NEGR1: variants seen among roughly 807,000 people sequenced by gnomAD.
NEGR1 encodes the protein IgLON family member 4.
Under a neutral mutation model 40.9 loss-of-function variants are expected in NEGR1, and 10 were observed. The observed-to-expected ratio is 0.24, with a 90% CI of 0.15 to 0.42. The LOEUF is 0.42. NEGR1 is among the 10% of genes least tolerant of loss of function. The probability of loss-of-function intolerance (pLI) is 1.00; values close to 1 mark genes in which losing one functional copy is unlikely to be tolerated. For missense variants in NEGR1, 352 were observed against 438.9 expected (o/e 0.80, Z 1.77); for synonymous variants, 185 against 166.8 (o/e 1.11, Z -0.84).
chr1:71,627,025 G>T (rs1352981219), intron 4 of NEGR1, among the ~76,000 whole-genome samples: 3 of 152,116 alleles, frequency 2.0e-5, no homozygotes, highest in Non-Finnish European at 4.4e-5. Flanking sequence ...TGGAGAAATA[G>T]GAACACTTTT....
At chr1:71,789,850 G>A (rs1657046394) in intron 2 of NEGR1, among the ~76,000 whole-genome samples, 1 of 152,028 alleles carries the variant, frequency 6.6e-6, no homozygotes, top group Admixed American at 6.6e-5. Flanking sequence ...TTTCTGAAAG[G>A]TGGAAAATCC....
chr1:72,166,952 T>C (rs139452672), intron 1 of NEGR1, among the ~76,000 whole-genome samples: 37 of 152,188 alleles, frequency 2.4e-4, no homozygotes, highest in Non-Finnish European at 4.4e-4. Context: ...AATGGCTTGA[T>C]TGAAGTGACA....
chr1:71,705,745 G>T (rs1470856846), intron 3 of NEGR1, among the ~76,000 whole-genome samples: 2 of 134,858 alleles, frequency 1.5e-5, no homozygotes, highest in African/African-American at 5.5e-5. Flanking sequence ...AGAAAAGAAA[G>T]AAAAGAAAAT....
intron 2 of NEGR1, among the ~76,000 whole-genome samples, chr1:71,916,730 T>C (rs1661596479): frequency 6.6e-6 from 1 of 152,176 alleles, no homozygotes; most frequent in African/African-American, 2.4e-5. Context: ...CACTCCAGCC[T>C]GGACAGCAAG....
At chr1:71,631,853 A>G (rs1388987455) in intron 4 of NEGR1, among the ~76,000 whole-genome samples, 3 of 151,732 alleles carry the variant, frequency 2.0e-5, no homozygotes, top group African/African-American at 7.2e-5. Context: ...GATTTTTTTG[A>G]AAAATTTCTA....
intron 4 of NEGR1, among the ~76,000 whole-genome samples, chr1:71,615,899 G>T (rs1650431961): frequency 6.6e-6 from 1 of 152,178 alleles, no homozygotes; most frequent in African/African-American, 2.4e-5. Flanking sequence ...ATTGGCCAAT[G>T]CATAGAAAAG....
chr1:72,059,744 T>C (rs1647149291), intron 1 of NEGR1, among the ~76,000 whole-genome samples: 1 of 151,698 alleles, frequency 6.6e-6, no homozygotes, highest in Non-Finnish European at 1.5e-5. Context: ...ATATTAATAT[T>C]ATCCATGAAT....
chr1:72,131,978 A>T (rs777017409), intron 1 of NEGR1, among the ~76,000 whole-genome samples: 8 of 152,122 alleles, frequency 5.3e-5, no homozygotes, highest in Non-Finnish European at 8.8e-5. Flanking sequence ...ACATGCCTAT[A>T]GAGCCACCTA....
intron 3 of NEGR1, among the ~76,000 whole-genome samples, chr1:71,751,049 A>G (rs1285530696): frequency 6.6e-6 from 1 of 152,012 alleles, no homozygotes; most frequent in Non-Finnish European, 1.5e-5. Flanking sequence ...AGAATATAGT[A>G]AAATATTTGG....
At chr1:71,534,073 G>T (rs542056327) in intron 6 of NEGR1, among the ~76,000 whole-genome samples, 30 of 151,730 alleles carry the variant, frequency 2.0e-4, no homozygotes, top group African/African-American at 7.0e-4. Context: ...GTAAAATCTT[G>T]CCTTGGGACT....
chr1:71,581,775 T>C (rs1649142940), intron 6 of NEGR1, among the ~76,000 whole-genome samples: 1 of 151,632 alleles, frequency 6.6e-6, no homozygotes, highest in Non-Finnish European at 1.5e-5. Flanking sequence ...TGTTCTCGGC[T>C]CACTGCAGCC....
At chr1:72,120,514 C>CTT (rs146818315) in intron 1 of NEGR1, among the ~76,000 whole-genome samples, 9 of 148,804 alleles carry the variant, frequency 6.0e-5, no homozygotes, top group Non-Finnish European at 1.1e-4. Context: ...TTTTTTCTTT[C>CTT]TTTTTTTTAT....
intron 4 of NEGR1, among the ~76,000 whole-genome samples, chr1:71,674,879 A>G (rs761187489): frequency 6.6e-5 from 10 of 151,660 alleles, no homozygotes; most frequent in Non-Finnish European, 1.5e-5. Flanking sequence ...TATCTGGCAT[A>G]GGATATATTT....
intron 1 of NEGR1, among the ~76,000 whole-genome samples, chr1:72,095,506 A>G (rs1648663500): frequency 6.6e-6 from 1 of 152,054 alleles, no homozygotes; most frequent in Non-Finnish European, 1.5e-5. Flanking sequence ...ATTAATTATG[A>G]ATCCCCTGTC....
intron 1 of NEGR1, among the ~76,000 whole-genome samples, chr1:71,973,092 T>C (rs938422936): frequency 6.6e-6 from 1 of 152,114 alleles, no homozygotes; most frequent in African/African-American, 2.4e-5. Flanking sequence ...TCAGTTAATA[T>C]TTTAATTATA....
intron 2 of NEGR1, among the ~76,000 whole-genome samples, chr1:71,808,711 C>T (rs1286201448): frequency 4.6e-5 from 7 of 152,080 alleles, no homozygotes. Flanking sequence ...CTTCCCCCAA[C>T]TCCTTGTTAC....
chr1:71,757,475 T>C (rs1026862653), intron 3 of NEGR1, among the ~76,000 whole-genome samples: 1 of 152,104 alleles, frequency 6.6e-6, no homozygotes, highest in African/African-American at 2.4e-5. Flanking sequence ...TATATGGAAG[T>C]CTCAGAGAGA....
intron 6 of NEGR1, among the ~76,000 whole-genome samples, chr1:71,550,464 C>A (rs139867237): frequency 2.2e-3 from 338 of 151,460 alleles, no homozygotes; most frequent in African/African-American, 7.7e-3. Context: ...TTGTTACTTA[C>A]CCATTTTTTT....
intron 2 of NEGR1, among the ~76,000 whole-genome samples, chr1:71,876,926 G>T (rs377259617): frequency 3.3e-5 from 5 of 152,034 alleles, no homozygotes; most frequent in African/African-American, 1.2e-4. Flanking sequence ...GAATTTTGGA[G>T]ACTGGGTCAG....
Sources: allele counts gnomAD v4.1 joint callset (sites outside exome capture counted in the v4.1 genomes callset), GRCh38; gene constraint gnomAD v4.1.1; transcripts MANE v1.5; gene names NCBI Gene and HGNC (gene_info 2026-07-23, HGNC 2026-07-21).